KAZN: variants seen among roughly 807,000 people sequenced by gnomAD.
KAZN encodes the protein kazrin.
A neutral mutation model predicts 87.4 loss-of-function variants in KAZN; 40 were observed. That is an observed-to-expected ratio of 0.46 (90% confidence interval 0.36 to 0.60). The LOEUF (loss-of-function observed/expected upper bound fraction) is 0.60, where lower values mean the gene tolerates loss of function less well. Among genes scored for constraint, KAZN ranks in the 20% least tolerant of loss-of-function variants. KAZN has a pLI of 0.00. For missense variants in KAZN, 898 were observed against 1,073.9 expected, an observed-to-expected ratio of 0.84 and a Z score of 2.29; for synonymous variants, 466 against 458.3, an observed-to-expected ratio of 1.02 and a Z score of -0.22.
chr1:14,525,678 T>C (rs1671824027), intron 2 of KAZN, among the ~76,000 whole-genome samples: 1 of 146,444 alleles, frequency 6.8e-6, no homozygotes, highest in South Asian at 2.1e-4. Flanking sequence ...GCATTTCCCA[T>C]AGGAAAAAAA....
intron 1 of KAZN, among the ~76,000 whole-genome samples, chr1:14,846,068 G>A (rs933894405): frequency 1.3e-5 from 2 of 152,186 alleles, no homozygotes; most frequent in Non-Finnish European, 2.9e-5. Context: ...TGGACTCTGT[G>A]CCAAGACAGC....
At chr1:14,209,121 G>T (rs1015219652) in intron 2 of KAZN, among the ~76,000 whole-genome samples, 1 of 152,208 alleles carries the variant, frequency 6.6e-6, no homozygotes, top group African/African-American at 2.4e-5. Flanking sequence ...GGAAAATTAG[G>T]ATCTCGGCTG....
At chr1:14,997,206 TTTATTTATTTATTTATTTATTTA>T (rs1557699085) in intron 2 of KAZN, among the ~76,000 whole-genome samples, 337 of 23,868 alleles carry the variant, frequency 0.014, 7 homozygotes, top group Admixed American at 0.019. Context: ...CTTTCTTTCA[TTTATTTATTTATTTATTTATTTA>T]TTTATTTATT....
chr1:14,537,535 G>C (rs1672572909), intron 2 of KAZN, among the ~76,000 whole-genome samples: 1 of 152,200 alleles, frequency 6.6e-6, no homozygotes. Flanking sequence ...CAGGGAATCT[G>C]GCTTCCAATT....
At chr1:14,451,624 G>A (rs1667283347) in intron 2 of KAZN, among the ~76,000 whole-genome samples, 1 of 152,100 alleles carries the variant, frequency 6.6e-6, no homozygotes, top group Admixed American at 6.5e-5. Context: ...GAAAGAAAGA[G>A]AGAGGGATTA....
At chr1:14,101,639 C>T (rs1249916966) in intron 1 of KAZN, among the ~76,000 whole-genome samples, 3 of 152,122 alleles carry the variant, frequency 2.0e-5, no homozygotes, top group African/African-American at 7.2e-5. Context: ...CCAATGGGTA[C>T]ATATTGTTTA....
intron 1 of KAZN, among the ~76,000 whole-genome samples, chr1:14,829,148 C>T (rs1646983718): frequency 6.6e-6 from 1 of 152,190 alleles, no homozygotes; most frequent in Admixed American, 6.5e-5. Flanking sequence ...ATTGAGTAGA[C>T]AGCTAATAGT....
At chr1:14,470,380 AG>A (rs1039277736) in intron 2 of KAZN, among the ~76,000 whole-genome samples, 1 of 152,206 alleles carries the variant, frequency 6.6e-6, no homozygotes, top group African/African-American at 2.4e-5. Context: ...GAATTAGACC[AG>A]GGCACAAGAA....
At chr1:15,002,835 G>A (rs1668625774) in intron 2 of KAZN, among the ~76,000 whole-genome samples, 1 of 151,888 alleles carries the variant, frequency 6.6e-6, no homozygotes, top group Non-Finnish European at 1.5e-5. Context: ...AATTAGCCTG[G>A]TATGGTGGTG....
intron 1 of KAZN, among the ~76,000 whole-genome samples, chr1:14,080,180 G>C (rs929432198): frequency 1.5e-5 from 1 of 68,434 alleles, no homozygotes; most frequent in African/African-American, 5.5e-5. Context: ...AAACAAACAA[G>C]TTTATTAATA....
chr1:14,180,494 A>G (rs1646174149), exon 2 of KAZN: 25 of 1,550,404 alleles, frequency 1.6e-5, no homozygotes, highest in Non-Finnish European at 2.1e-5. Flanking sequence ...CACCAAGTCG[A>G]AGGCACTGGA....
At chr1:14,339,927 C>T (rs866624892) in intron 2 of KAZN, among the ~76,000 whole-genome samples, 2 of 152,180 alleles carry the variant, frequency 1.3e-5, no homozygotes, top group Non-Finnish European at 1.5e-5. Flanking sequence ...TAACAAAACA[C>T]CACCCAATTT....
At chr1:14,110,535 GTTT>G (rs1557483534) in intron 1 of KAZN, among the ~76,000 whole-genome samples, 1 of 152,176 alleles carries the variant, frequency 6.6e-6, no homozygotes, top group South Asian at 2.1e-4. Context: ...TCATTTTGTA[GTTT>G]TTTGACTTCT....
chr1:13,959,352 A>G (rs1315345742), intron 1 of KAZN, among the ~76,000 whole-genome samples: 2 of 152,144 alleles, frequency 1.3e-5, no homozygotes, highest in Non-Finnish European at 2.9e-5. Flanking sequence ...GCTCACAGGA[A>G]CTCAGACAAG....
At chr1:14,621,165 C>T (rs1357219683) in intron 1 of KAZN, among the ~76,000 whole-genome samples, 1 of 152,170 alleles carries the variant, frequency 6.6e-6, no homozygotes, top group Non-Finnish European at 1.5e-5. Flanking sequence ...TGGAGCAGGG[C>T]CACCCAAGGC....
intron 1 of KAZN, among the ~76,000 whole-genome samples, chr1:13,913,164 G>A (rs145462536): frequency 1.9e-3 from 283 of 152,206 alleles, no homozygotes; most frequent in Non-Finnish European, 3.2e-3. Context: ...GGTGTTCTAG[G>A]GCATACAGGA....
chr1:14,997,468 G>A (rs1392198681), intron 2 of KAZN, among the ~76,000 whole-genome samples: 2 of 151,952 alleles, frequency 1.3e-5, no homozygotes, highest in Admixed American at 6.6e-5. Flanking sequence ...TCGCACTCCC[G>A]ACCTCAGGTG....
chr1:15,103,606 C>T, intron 12 of KAZN, 146 bp downstream of exon 12: 1 of 665,908 alleles, frequency 1.5e-6, no homozygotes, highest in Admixed American at 2.2e-5. Flanking sequence ...AAATTAATAT[C>T]CCCTTTGTGT....
chr1:14,897,884 C>T (rs1264291476), intron 1 of KAZN, among the ~76,000 whole-genome samples: 1 of 152,158 alleles, frequency 6.6e-6, no homozygotes, highest in Non-Finnish European at 1.5e-5. Flanking sequence ...TGAAACTAAC[C>T]GGGGCTCACT....
Sources: allele counts gnomAD v4.1 joint callset (sites outside exome capture counted in the v4.1 genomes callset), GRCh38; gene constraint gnomAD v4.1.1; transcripts MANE v1.5; gene names NCBI Gene and HGNC (gene_info 2026-07-23, HGNC 2026-07-21).